RMC1: variants seen among roughly 807,000 people sequenced by gnomAD.
RMC1 encodes regulator of MON1-CCZ1, also known as regulator of MON1-CCZ1 complex.
In RMC1, 44 loss-of-function variants were observed where a neutral mutation model predicts 95.5. That is an observed-to-expected ratio of 0.46 (90% CI 0.36 to 0.59). The LOEUF is 0.59. Ranked by LOEUF, RMC1 falls within the 20% of genes least tolerant of loss-of-function variation. The pLI is 0.00. For missense variants in RMC1, 705 were observed against 819.6 expected (o/e 0.86, Z 1.71); for synonymous variants, 320 against 303.6 (o/e 1.05, Z -0.56).
At chr18:23,516,800 A>C (rs2058019946) in intron 7 of RMC1, among the ~76,000 whole-genome samples, 1 of 147,406 alleles carries the variant, frequency 6.8e-6, no homozygotes, top group African/African-American at 2.5e-5. Context: ...GTGTCGGCTC[A>C]CTGCAGCCTC....
rs759717233 is a variant in RMC1 at position 23,526,985 on chromosome 18, G to C, written c.1189+220G>C. The stretch of plus-strand genomic sequence containing the variant: ...AAAGAACAATAAATGGGATGGTTCT[G>C]AATGAAAGTGGGCACACAGGAGGGG... On this transcript the variant is annotated intron_variant, in intron 13 of 19. Transcript: ENST00000269221. Among the ~76,000 whole-genome samples, 159 of 152,274 alleles carry C rather than the reference G, an allele frequency of 1.0e-3. 2 individuals are homozygous for C. Among genetic ancestry groups the C allele is most frequent in the Middle Eastern group, 3.4e-3 (1 of 294 alleles).
chr18:23,503,623 G>A lies in RMC1; in HGVS notation c.5G>A (p.Gly2Asp). The A allele has an allele frequency of 6.4e-7, 1 of 1,560,208 alleles. No individual in the cohort carries two copies. Reference sequence around the variant, plus strand: ...GCCGCGGGCGCGGCGCCCGCCATGGGCGAGGAGGACTACTATCTGGAGCTG... The same window carrying A: ...GCCGCGGGCGCGGCGCCCGCCATGGACGAGGAGGACTACTATCTGGAGCTG... M[G>D]EEDYYLELCE... The change falls in exon 1 of 20, where the codon GGC becomes GAC. Residue 2 changes from glycine to aspartate, a missense_variant. Gly to Asp is a moderately conservative substitution (Grantham distance 94). Transcript: ENST00000269221.
At chr18:23,519,379 G>A (rs911854634) in intron 9 of RMC1, among the ~76,000 whole-genome samples, 10 of 152,102 alleles carry the variant, frequency 6.6e-5, no homozygotes, top group South Asian at 2.1e-4. Context: ...TTAGCCGGGC[G>A]TGGTAGTGCA....
chr18:23,508,330 C>T (rs569089343), intron 4 of RMC1, among the ~76,000 whole-genome samples: 1 of 152,300 alleles, frequency 6.6e-6, no homozygotes, highest in East Asian at 1.9e-4. Context: ...TTTTTCTCCT[C>T]ACTGGGCTGA....
chr18:23,518,206 A>G (rs896612675), intron 7 of RMC1, among the ~76,000 whole-genome samples: 2 of 152,166 alleles, frequency 1.3e-5, no homozygotes, highest in Non-Finnish European at 2.9e-5. Flanking sequence ...TTAAATAGAA[A>G]AGGCTGAGCA....
rs55897831 is a variant in RMC1, at chr18:23,526,799, A to G, written c.1189+34A>G. The stretch of plus-strand genomic sequence containing the variant: ...AATCCTTCCCCCTTGCTCTGATTCC[A>G]GTGTGAGGCCTGTGCTGCCCAACAC... On this transcript the variant is annotated intron_variant, in intron 13 of 19. Transcript: ENST00000269221. 2,047 of 1,609,890 alleles carry G rather than the reference A, an allele frequency of 1.3e-3. 31 individuals are homozygous for G. In the African/African-American group the frequency reaches 0.024, roughly 19 times the overall value.
intron 4 of RMC1, 37 bp from the exon 5 acceptor site, chr18:23,509,156 T>G: frequency 1.2e-6 from 1 of 835,464 alleles, no homozygotes; most frequent in Middle Eastern, 3.8e-4. Context: ...GTGTTTTTTC[T>G]TATTAATTAA....
chr18:23,530,629 A>G lies in RMC1; in HGVS notation c.1894+17A>G. On this transcript the variant is annotated intron_variant, in intron 19 of 19. Coordinates refer to ENST00000269221, the MANE Select transcript of RMC1 (RefSeq NM_013326.5). ...TCACACCAGGTGAGAATGCAATGAA[A>G]AGACTTGGGGTAACCATAGCCTCAA... The G allele has an allele frequency of 6.2e-7, 1 of 1,609,490 alleles. No homozygotes were observed. Among genetic ancestry groups the G allele is most frequent in the Non-Finnish European group, 8.5e-7 (1 of 1,176,988 alleles).
chr18:23,531,481 A>G (rs2145317225), intron 19 of RMC1, 144 bp from the exon 20 acceptor site: 2 of 1,443,250 alleles, frequency 1.4e-6, no homozygotes, highest in Non-Finnish European at 9.1e-7. Context: ...CTCAAAGCAG[A>G]TAGGGTAACC....
At chr18:23,520,092 A>T in intron 9 of RMC1, 110 bp from the exon 10 acceptor site, 1 of 774,374 alleles carries the variant, frequency 1.3e-6, no homozygotes, top group East Asian at 2.6e-5. Context: ...TAGGGAGGAA[A>T]TGCAAACACA....
chr18:23,503,593 C>A lies in RMC1; in HGVS notation c.-26C>A, dbSNP rs201936461. The A allele has an allele frequency of 5.2e-6, 8 of 1,531,504 alleles. No homozygotes were observed. Among genetic ancestry groups the A allele is most frequent in the Non-Finnish European group, 7.0e-6 (8 of 1,136,796 alleles). The allele number at this position is 1,531,504 out of a possible 1,614,324, so 94.9% of individuals were successfully genotyped here. ...TCCACTCTGGCGACCGCCCCCGGGGCCCCCGCCGCGGGCGCGGCGCCCGCC... is the reference window on the plus strand; with the variant it reads ...TCCACTCTGGCGACCGCCCCCGGGGACCCCGCCGCGGGCGCGGCGCCCGCC... On this transcript the variant is annotated 5_prime_UTR_variant, in exon 1 of 20. Transcript: ENST00000269221.
intron 9 of RMC1, 150 bp from the exon 10 acceptor site, chr18:23,520,052 C>A (rs1417699957): frequency 3.3e-6 from 2 of 609,978 alleles, no homozygotes; most frequent in Admixed American, 6.0e-5. Context: ...ATGTTAATGA[C>A]AAATTCCTTC....
intron 10 of RMC1, among the ~76,000 whole-genome samples, chr18:23,523,313 G>C (rs896016317): frequency 6.6e-6 from 1 of 152,042 alleles, no homozygotes; most frequent in African/African-American, 2.4e-5. Context: ...AGTATAACTG[G>C]TTGTTAACGG....
chr18:23,518,337 T>G (rs1277516040), intron 7 of RMC1, among the ~76,000 whole-genome samples: 1 of 151,936 alleles, frequency 6.6e-6, no homozygotes, highest in African/African-American at 2.4e-5. Context: ...CAAAAAAATT[T>G]AAAAATTAGC....
Position 23,524,216 on chromosome 18 carries a change from G to A in RMC1, c.1006+42G>A, listed in dbSNP as rs1328157214. ...TGTGGCACCGTGCACAACAGGGCAA[G>A]TGGTCACCCTCAGAGAGTGGTCCTG... On this transcript the variant is annotated intron_variant, in intron 11 of 19. Coordinates refer to ENST00000269221, the MANE Select transcript of RMC1 (RefSeq NM_013326.5). The A allele has an allele frequency of 3.1e-6, 5 of 1,607,968 alleles. No individual in the cohort carries two copies. The East Asian group carries it at 1.1e-4, about 36-fold the overall frequency.
In RMC1 at chr18:23,515,720, A is replaced by C. The variant is rs2145185182; in HGVS notation, c.409-136A>C. On this transcript the variant is annotated intron_variant, in intron 5 of 19. Coordinates refer to ENST00000269221, the MANE Select transcript of RMC1 (RefSeq NM_013326.5). ...GCTAATTTTTGTATTTTTAGTAGAG[A>C]TGGGGTTTTACCATTTTGTCCAGGC... 5.3e-6 allele frequency: 5 copies of C among 943,652 alleles called. No homozygotes were observed. The East Asian group carries it at 1.1e-4, about 20-fold the overall frequency. 58.5% of individuals were successfully genotyped at this position (943,652 alleles called of 1,614,324 possible).
intron 19 of RMC1, 177 bp from the exon 20 acceptor site, chr18:23,531,448 C>CCA (rs1776136586): frequency 7.7e-7 from 1 of 1,302,574 alleles, no homozygotes; most frequent in Non-Finnish European, 1.0e-6. Flanking sequence ...AGAATCTCTT[C>CCA]CATTTAGCTT....
chr18:23,525,258 AT>A (rs958586598), intron 12 of RMC1, among the ~76,000 whole-genome samples: 2 of 149,460 alleles, frequency 1.3e-5, no homozygotes, highest in Non-Finnish European at 3.0e-5. Flanking sequence ...AAGAAATCTT[AT>A]TTTTTTAAGG....
chr18:23,530,883 G>A (rs1418063060), intron 19 of RMC1, among the ~76,000 whole-genome samples: 1 of 152,110 alleles, frequency 6.6e-6, no homozygotes, highest in African/African-American at 2.4e-5. Flanking sequence ...TCTTATAGCA[G>A]ATCTTGGAAT....
Sources: allele counts gnomAD v4.1 joint callset (sites outside exome capture counted in the v4.1 genomes callset), GRCh38; gene constraint gnomAD v4.1.1; transcripts MANE v1.5; gene names NCBI Gene and HGNC (gene_info 2026-07-23, HGNC 2026-07-21).